Variants in PMF1 observed in about 807,000 individuals in gnomAD.
PMF1 encodes polyamine-modulated factor 1.
A neutral mutation model predicts 26.7 loss-of-function variants in PMF1; 21 were observed. That is an observed-to-expected ratio of 0.79 (90% CI 0.56 to 1.13). The LOEUF is 1.13. PMF1 is among the 50% of genes most tolerant of loss of function. PMF1 has a pLI of 0.00. For missense variants in PMF1, 266 were observed against 254.9 expected (o/e 1.04, Z -0.30); for synonymous variants, 105 against 101.0 (o/e 1.04, Z -0.24).
chr1:156,213,106 A>G lies in PMF1; in HGVS notation c.91A>G (p.Thr31Ala). Residue 31 changes from threonine (T) to alanine (A), a missense_variant, in exon 1 of 5, where the codon ACC (threonine) becomes GCC (alanine). Thr to Ala is a moderately conservative substitution (Grantham distance 58). Transcript: ENST00000368277. ...TTCGGAATCTGTGCCACCCGGCACT[A>G]CCATTTCGAGGGTGAAGCTCCTCGA... is the stretch of plus-strand genomic sequence containing the variant. ...SSSESVPPGT[T>A]ISRVKLLDTM... 6.2e-7 allele frequency: 1 copy of G among 1,614,216 alleles called. No homozygotes were observed. Among genetic ancestry groups the G allele is most frequent in the African/African-American group, 1.3e-5 (1 of 75,058 alleles).
At chr1:156,218,216 T>A (rs1464949373) in intron 1 of PMF1, among the ~76,000 whole-genome samples, 4 of 152,344 alleles carry the variant, frequency 2.6e-5, no homozygotes, top group South Asian at 2.1e-4. Flanking sequence ...AGAACTTTTT[T>A]AAAAATGGGT....
At chr1:156,230,916 A>G (rs1275333372) in intron 1 of PMF1, among the ~76,000 whole-genome samples, 1 of 151,814 alleles carries the variant, frequency 6.6e-6, no homozygotes, top group East Asian at 1.9e-4. Context: ...AAATAAAAAT[A>G]AAAGAATTAG....
At chr1:156,233,874 C>A in intron 3 of PMF1, 146 bp downstream of exon 3, 1 of 719,166 alleles carries the variant, frequency 1.4e-6, no homozygotes, top group Non-Finnish European at 2.2e-6. Flanking sequence ...CCTTGACCTC[C>A]CAAAGTGCTG....
At chr1:156,237,303 T>A (rs1178886986) in intron 4 of PMF1, 2 of 152,054 alleles carry the variant, frequency 1.3e-5, no homozygotes, top group East Asian at 1.9e-4. Context: ...ATTTACACCT[T>A]TTACCTAACT....
Position 156,236,407 on chromosome 1 carries a change from C to T in PMF1, c.488C>T (p.Ala163Val). The change falls in exon 4 of 5, where the codon GCA (alanine) becomes GTA (valine). Residue 163 changes from alanine to valine, a missense_variant. Coordinates refer to ENST00000368277, the MANE Select transcript of PMF1 (RefSeq NM_007221.4). ...QKQEAENQQL[A>V]DAVLAGRRQV... ...CAGGAGGCCGAGAACCAGCAGCTGGCAGATGCCGTCCTGGCAGGGCGGAGG... is the reference window on the plus strand; with the variant it reads ...CAGGAGGCCGAGAACCAGCAGCTGGTAGATGCCGTCCTGGCAGGGCGGAGG... 1 of 1,614,202 alleles carries T rather than the reference C, an allele frequency of 6.2e-7. No homozygotes were observed. Among genetic ancestry groups the T allele is most frequent in the Non-Finnish European group, 8.5e-7 (1 of 1,180,018 alleles).
chr1:156,230,891 C>G (rs1016431723), intron 1 of PMF1, among the ~76,000 whole-genome samples: 1 of 150,770 alleles, frequency 6.6e-6, no homozygotes, highest in Non-Finnish European at 1.5e-5. Context: ...ACAGTGAGAC[C>G]GCGACTCTAC....
At chr1:156,225,659 G>A (rs763516936) in intron 1 of PMF1, 2 of 1,554,278 alleles carry the variant, frequency 1.3e-6, no homozygotes, top group Non-Finnish European at 8.7e-7. Context: ...GGTTACCACA[G>A]GGGAGGAAGG....
chr1:156,218,926 A>G (rs1657930561), intron 1 of PMF1, among the ~76,000 whole-genome samples: 1 of 137,868 alleles, frequency 7.3e-6, no homozygotes. Flanking sequence ...TTTTTTTTTA[A>G]TTATTATTTT....
At chr1:156,238,565 C>T (rs935754341) in intron 4 of PMF1, among the ~76,000 whole-genome samples, 1 of 152,224 alleles carries the variant, frequency 6.6e-6, no homozygotes, top group Non-Finnish European at 1.5e-5. Context: ...TCTCTCCATC[C>T]TTCATGTCAG....
intron 3 of PMF1, among the ~76,000 whole-genome samples, chr1:156,234,385 T>TC (rs1399136837): frequency 1.3e-5 from 2 of 152,086 alleles, no homozygotes; most frequent in Non-Finnish European, 2.9e-5. Flanking sequence ...GGAGGCAGAA[T>TC]CGTGAGGTTT....
chr1:156,230,254 A>G (rs1453108808), intron 1 of PMF1, among the ~76,000 whole-genome samples: 1 of 152,166 alleles, frequency 6.6e-6, no homozygotes, highest in Non-Finnish European at 1.5e-5. Flanking sequence ...GTATTTGAAG[A>G]TCTTCCTTGG....
chr1:156,232,450 T>C (rs977707984), intron 2 of PMF1, 25 bp downstream of exon 2: 9 of 1,609,520 alleles, frequency 5.6e-6, no homozygotes, highest in Non-Finnish European at 2.6e-6. Flanking sequence ...GCCTGGCAGG[T>C]GCTGTTGACT....
chr1:156,229,836 GT>G (rs1461308540), intron 1 of PMF1, among the ~76,000 whole-genome samples: 1 of 152,176 alleles, frequency 6.6e-6, no homozygotes, highest in Non-Finnish European at 1.5e-5. Context: ...GCCTCCCAAA[GT>G]GCTGAGATTA....
chr1:156,213,801 TAGAA>T (rs1657531314), intron 1 of PMF1, among the ~76,000 whole-genome samples: 2 of 151,380 alleles, frequency 1.3e-5, no homozygotes, highest in Admixed American at 6.6e-5. Context: ...ACCTGACACA[TAGAA>T]AGATTTGTTA....
At chr1:156,237,656 A>G (rs1659110083) in intron 4 of PMF1, among the ~76,000 whole-genome samples, 1 of 152,032 alleles carries the variant, frequency 6.6e-6, no homozygotes. Flanking sequence ...CATGTTGGCC[A>G]GGCTGGTCTC....
At chr1:156,230,998 G>A (rs1398110885) in intron 1 of PMF1, among the ~76,000 whole-genome samples, 6 of 151,960 alleles carry the variant, frequency 3.9e-5, no homozygotes, top group East Asian at 3.9e-4. Context: ...GGCGGATCAC[G>A]AGGTCAGGAG....
chr1:156,231,212 A>G (rs12029420), intron 1 of PMF1, among the ~76,000 whole-genome samples: 1 of 92,410 alleles, frequency 1.1e-5, no homozygotes, highest in South Asian at 3.9e-4. Flanking sequence ...GCAAGACTCC[A>G]TCTCAAAAAA....
intron 4 of PMF1, among the ~76,000 whole-genome samples, chr1:156,238,013 C>T (rs945230358): frequency 6.6e-6 from 1 of 152,218 alleles, no homozygotes; most frequent in African/African-American, 2.4e-5. Flanking sequence ...GGTGATCCAC[C>T]TGCCACAGCT....
intron 4 of PMF1, 119 bp downstream of exon 4, chr1:156,236,602 C>A (rs956364854): frequency 1.8e-5 from 24 of 1,335,418 alleles, no homozygotes; most frequent in Non-Finnish European, 2.2e-5. Context: ...GAGAGCTTGC[C>A]CCCTGGGGAA....
Sources: allele counts gnomAD v4.1 joint callset (sites outside exome capture counted in the v4.1 genomes callset), GRCh38; gene constraint gnomAD v4.1.1; transcripts MANE v1.5; gene names NCBI Gene and HGNC (gene_info 2026-07-23, HGNC 2026-07-21).